The following L1CAM variants were observed in gnomAD, a reference collection of about 807,000 sequenced individuals.
L1CAM encodes neural cell adhesion molecule L1.
Under a neutral mutation model 93.0 loss-of-function variants are expected in L1CAM, and 8 were observed. The observed-to-expected ratio is 0.09, with a 90% CI of 0.05 to 0.16. L1CAM has a LOEUF of 0.16. L1CAM is among the 10% of genes least tolerant of loss of function. L1CAM has a pLI of 1.00. For synonymous variants in L1CAM, 453 were observed against 453.0 expected (o/e 1.00, Z 0.00); for missense variants, 777 against 1,073.4 (o/e 0.72, Z 3.86).
At position 153,871,057 on chromosome X, in the gene L1CAM, T is replaced by G. The variant is rs202164138; in HGVS notation, c.523A>C (p.Lys175Gln). ...EPLRIYWMNSKILHIKQDERV... is the reference protein window; with the variant it reads ...EPLRIYWMNSQILHIKQDERV... ...GAGGCAGCCGCTCGCCGGCACCCAC[T>G]GCTGTTCATCCAGTAGATCCGGAGA... Residue 175 changes from lysine (K) to glutamine (Q), a missense_variant and splice_region_variant, in exon 6 of 29, where the codon AAG (lysine) becomes CAG (glutamine). Lys to Gln is a moderately conservative substitution (Grantham distance 53). Transcript: ENST00000370060. The G allele has an allele frequency of 2.5e-6, 3 of 1,211,334 alleles. No homozygotes were observed. The highest frequency in any genetic ancestry group is 3.4e-6 in the Non-Finnish European group (3 of 895,431).
intron 11 of L1CAM, among the ~76,000 whole-genome samples, 184 bp downstream of exon 11, chrX:153,869,336 C>T (rs956769951): frequency 6.2e-5 from 7 of 112,527 alleles, no homozygotes; most frequent in African/African-American, 2.3e-4. Context: ...TCCCCTCTTA[C>T]ATCTCCCTCG....
intron 4 of L1CAM, 45 bp downstream of exon 4, chrX:153,872,547 G>T: frequency 9.3e-7 from 1 of 1,073,607 alleles, no homozygotes; most frequent in Non-Finnish European, 1.3e-6. Flanking sequence ...ACAAGGCCGG[G>T]GTCAGTGGCA....
chrX:153,872,166 C>A lies in L1CAM; in HGVS notation c.386G>T (p.Arg129Leu), dbSNP rs200809259. The change falls in exon 5 of 29, where the codon CGG (arginine) becomes CTG (leucine). Residue 129 changes from arginine to leucine, a missense_variant. By Grantham distance (102) the Arg-to-Leu change is moderately radical (BLOSUM62 -2). Around this residue, in one of 5 missense-constraint regions of L1CAM, gnomAD observed 574 missense variants for 781.0 expected, o/e 0.73. Transcript: ENST00000370060. ...GCGCCTCGCACCCTCGGCCATGAGC[C>A]GGATCTCATGGGACATGGCGGTGCC... is the stretch of plus-strand genomic sequence containing the variant. The part of the protein sequence containing the change: ...KLGTAMSHEI[R>L]LMAEGAPKWP... The A allele has an allele frequency of 8.3e-7, 1 of 1,204,923 alleles. No individual in the cohort carries two copies. The highest frequency in any genetic ancestry group is 1.8e-5 in the African/African-American group (1 of 56,515).
chrX:153,884,422 G>C, intron 1 of L1CAM: 1 of 275,963 alleles, frequency 3.6e-6, no homozygotes, highest in Non-Finnish European at 6.6e-6. Context: ...GGAGGCTGGG[G>C]CGTGCTGAAC....
rs1387804891 is a variant in L1CAM, at chrX:153,867,284, C to T, written c.2137+72G>A. On this transcript the variant is annotated intron_variant, in intron 17 of 28. Coordinates refer to ENST00000370060, the MANE Select transcript of L1CAM (RefSeq NM_001278116.2). ...AAGCAGAGGAACTTGGGCATGGCAC[C>T]TCTCTAAGCCCTCCCTTCACAGCCC... 2.8e-6 allele frequency: 3 copies of T among 1,053,690 alleles called. No individual in the cohort carries two copies. In the East Asian group the frequency reaches 9.1e-5, roughly 32 times the overall value. The allele number at this position is 1,053,690 out of a possible 1,213,427, so 86.8% of individuals were successfully genotyped here. A position where few individuals can be genotyped will look rare whatever the true frequency, so the allele number is the denominator to read the frequency against.
chrX:153,869,994 G>A (rs781831631), intron 9 of L1CAM, 60 bp from the exon 10 acceptor site: 11 of 1,207,652 alleles, frequency 9.1e-6, no homozygotes, highest in South Asian at 3.5e-5. Flanking sequence ...TTGACCCGGC[G>A]CAGACCCTCC....
chrX:153,862,735 C>G lies in L1CAM; in HGVS notation c.3702G>C (p.Glu1234Asp). Residue 1234 changes from glutamate to aspartate, a missense_variant, in exon 29 of 29, where the codon GAG becomes GAC. Glu to Asp is a conservative substitution (Grantham distance 45, BLOSUM62 2). Transcript: ENST00000370060. Reference protein sequence around the residue: ...SFIGQYSGKKEKEAAGGNDSS... With the variant: ...SFIGQYSGKKDKEAAGGNDSS... ...TGTCATTGCCCCCTGCCGCCTCCTT[C>G]TCCTTCTTGCCACTGTACTGGCCAA... The G allele has an allele frequency of 8.2e-7, 1 of 1,212,441 alleles. No individual in the cohort carries two copies. The highest frequency in any genetic ancestry group is 1.1e-6 in the Non-Finnish European group (1 of 895,571).
At position 153,862,390 on chromosome X, in the gene L1CAM, C is replaced by T. The variant is rs200919764; in HGVS notation, c.*273G>A. 7 of 342,271 alleles carry T rather than the reference C, an allele frequency of 2.0e-5. No homozygotes were observed. In the Admixed American group the frequency reaches 3.5e-4, roughly 17 times the overall value. The allele number at this position is 342,271 out of a possible 1,213,427, so 28.2% of individuals were successfully genotyped here. On this transcript the variant is annotated 3_prime_UTR_variant, in exon 29 of 29. Transcript: ENST00000370060. Reference sequence around the variant, plus strand: ...TCGGGCCACCCCTACTTCTTCTCCCCCAAACCACAGCCTCTCTGCCCAAAT... The same window carrying T: ...TCGGGCCACCCCTACTTCTTCTCCCTCAAACCACAGCCTCTCTGCCCAAAT...
Position 153,865,349 on chromosome X carries a change from C to A in L1CAM, c.2699G>T (p.Gly900Val). The A allele has an allele frequency of 9.9e-6, 12 of 1,211,269 alleles. No homozygotes were observed. The highest frequency in any genetic ancestry group is 1.7e-5 in the African/African-American group (1 of 57,771). The change falls in exon 21 of 29, where the codon GGG becomes GTG. Residue 900 changes from glycine to valine, a missense_variant. Gly to Val is a moderately radical substitution (Grantham distance 109, BLOSUM62 -3). Coordinates refer to ENST00000370060, the MANE Select transcript of L1CAM (RefSeq NM_001278116.2). Reference sequence around the variant, plus strand: ...CTCGCTGGCGGGCCCCGATCCTCGCCCGTTAAAGGCCTGCACCTCCAGGTG... The same window carrying A: ...CTCGCTGGCGGGCCCCGATCCTCGCACGTTAAAGGCCTGCACCTCCAGGTG... ...SYHLEVQAFN[G>V]RGSGPASEFT...
rs375912023 is a variant in L1CAM at position 153,875,671 on chromosome X, C to A, written c.76+90G>T. Reference sequence around the variant, plus strand: ...AAGGCCAGGGAGAGGAGTCAGGGTCCGGAACAGGGAGAAGGTGAGGAGGTA... The same window carrying A: ...AAGGCCAGGGAGAGGAGTCAGGGTCAGGAACAGGGAGAAGGTGAGGAGGTA... On this transcript the variant is annotated intron_variant, in intron 2 of 28. Transcript: ENST00000370060. 71 of 844,577 alleles carry A rather than the reference C, an allele frequency of 8.4e-5. No homozygotes were observed. The African/African-American group carries it at 1.3e-3, about 15-fold the overall frequency. The allele number at this position is 844,577 out of a possible 1,213,427, so 69.6% of individuals were successfully genotyped here. A position where few individuals can be genotyped will look rare whatever the true frequency, so the allele number is the denominator to read the frequency against.
Position 153,868,952 on chromosome X carries a change from T to C in L1CAM, c.1268A>G (p.Gln423Arg), listed in dbSNP as rs1569544779. The change falls in exon 12 of 29, where the codon CAG becomes CGG. Residue 423 changes from glutamine to arginine, a missense_variant and splice_region_variant. By Grantham distance (43) the Gln-to-Arg change is conservative (BLOSUM62 1). Transcript: ENST00000370060. ...LLANAYIYVV[Q>R]LPAKILTADN... is the part of the protein sequence containing the mutation. ...CGCAGTCAGGATCTTGGCTGGCAGC[T>C]CTAGGGGAGGAACAGCCTCAGGAGA... The C allele has an allele frequency of 8.3e-7, 1 of 1,198,923 alleles. No individual in the cohort carries two copies. Among genetic ancestry groups the C allele is most frequent in the Admixed American group, 2.2e-5 (1 of 46,038 alleles).
chrX:153,870,029 C>T (rs1557092498), intron 9 of L1CAM, 27 bp downstream of exon 9: 3 of 1,209,366 alleles, frequency 2.5e-6, no homozygotes, highest in Non-Finnish European at 3.4e-6. Context: ...GTGGGCATCA[C>T]AGGCCACTGT....
Position 153,864,924 on chromosome X carries a change from G to A in L1CAM, c.2943C>T (p.Thr981=), listed in dbSNP as rs782396488. The change falls in exon 23 of 29, where the codon ACC becomes ACT. Residue 981 remains threonine (T), a synonymous_variant. Coordinates refer to ENST00000370060, the MANE Select transcript of L1CAM (RefSeq NM_001278116.2). ...RDPELRTHNL[T]DLSPHLRYRF... ...GGTACCGCAGGTGGGGGCTGAGATC[G>A]GTCAGGTTGTGTGTCCGAAGTTCGG... The A allele has an allele frequency of 1.4e-5, 17 of 1,211,069 alleles. No homozygotes were observed. The African/African-American group carries it at 1.6e-4, about 11-fold the overall frequency.
At position 153,873,239 on chromosome X, in the gene L1CAM, T is replaced by G. The variant is rs1557093757; in HGVS notation, c.80A>C (p.Glu27Ala). The change falls in exon 3 of 29, where the codon GAA becomes GCA. Residue 27 changes from glutamate to alanine, a missense_variant. By Grantham distance (107) the Glu-to-Ala change is moderately radical. This residue lies in a region of L1CAM where 574 missense variants were observed against 781.0 expected (regional missense o/e 0.73). Coordinates refer to ENST00000370060, the MANE Select transcript of L1CAM (RefSeq NM_001278116.2). ...CLLIQIPEEY[E>A]GHHVMEPPVI... ...CCTCCCCAACTTACCATGGTGTCCTTCATCTGAGAAATCCAGGCAGGCAGC... is the reference window on the plus strand; with the variant it reads ...CCTCCCCAACTTACCATGGTGTCCTGCATCTGAGAAATCCAGGCAGGCAGC... The G allele has an allele frequency of 1.7e-6, 2 of 1,209,008 alleles. No homozygotes were observed. The highest frequency in any genetic ancestry group is 2.2e-6 in the Non-Finnish European group (2 of 893,912).
chrX:153,883,361 C>T (rs1232378716), intron 1 of L1CAM, among the ~76,000 whole-genome samples: 2 of 108,203 alleles, frequency 1.8e-5, no homozygotes, highest in African/African-American at 6.8e-5. Flanking sequence ...CAGCAGGCTT[C>T]TGCCTAGAAG....
chrX:153,879,999 G>A lies in L1CAM; in HGVS notation c.-108-4055C>T, dbSNP rs149655234. On this transcript the variant is annotated intron_variant, in intron 1 of 28. Transcript: ENST00000370060. ...GTCCGGTCCCAAACCCATCCTCCCC[G>A]GTGGGAAAGGGCCAGGGAGGCAAGG... Among the ~76,000 whole-genome samples, 841 of 111,716 alleles carry A rather than the reference G, an allele frequency of 7.5e-3. 7 individuals are homozygous for A. The highest frequency in any genetic ancestry group is 0.06 in the South Asian group (158 of 2,647).
chrX:153,864,311 C>G lies in L1CAM; in HGVS notation c.3322+11G>C. 1 of 1,209,553 alleles carries G rather than the reference C, an allele frequency of 8.3e-7. No individual in the cohort carries two copies. The highest frequency in any genetic ancestry group is 1.1e-6 in the Non-Finnish European group (1 of 894,342). ...TCCCTGGCAGGTGATGGCGGGCCCC[C>G]GGCGCCTCACCTGTGCCATTGGTCT... On this transcript the variant is annotated intron_variant, in intron 25 of 28. Coordinates refer to ENST00000370060, the MANE Select transcript of L1CAM (RefSeq NM_001278116.2).
intron 3 of L1CAM, 109 bp from the exon 4 acceptor site, chrX:153,872,806 C>A: frequency 1.5e-6 from 1 of 645,960 alleles, no homozygotes; most frequent in East Asian, 3.3e-5. Flanking sequence ...CCTGGAGGCC[C>A]CATGGCCACA....
rs916169 is a variant in L1CAM at position 153,868,134 on chromosome X, C to G, written c.1704-12G>C. On this transcript the variant is annotated splice_polypyrimidine_tract_variant and intron_variant, in intron 14 of 28. Coordinates refer to ENST00000370060, the MANE Select transcript of L1CAM (RefSeq NM_001278116.2). ...CCTCTATGAAGTACCTGCGGAGGAG[C>G]CGTGTCTGTCTTTCCTGCCATCTGG... 8.3e-7 allele frequency: 1 copy of G among 1,210,163 alleles called. No homozygotes were observed. The highest frequency in any genetic ancestry group is 1.8e-5 in the South Asian group (1 of 56,928).
Sources: gnomAD v4.1 joint callset for allele counts (sites outside exome capture counted in the v4.1 genomes callset) on GRCh38, gnomAD v4.1.1 for gene constraint, gnomAD v4.1.1 regional missense constraint, MANE v1.5 for transcripts, NCBI Gene and HGNC (gene_info 2026-07-23, HGNC 2026-07-21) for gene names.